The following PCDH11X variants were observed in gnomAD, a reference collection of about 807,000 sequenced individuals.
PCDH11X encodes the protein protocadherin-11 X-linked.
Under a neutral mutation model 53.3 loss-of-function variants are expected in PCDH11X, and 18 were observed. The observed-to-expected ratio is 0.34, with a 90% confidence interval of 0.23 to 0.50. The LOEUF is 0.50. Ranked by LOEUF, PCDH11X falls within the 20% of genes least tolerant of loss-of-function variation. PCDH11X has a pLI of 0.98. For synonymous variants in PCDH11X, 279 were observed against 393.3 expected (o/e 0.71, Z 3.44); for missense variants, 570 against 1,032.4 (o/e 0.55, Z 6.14).
Position 92,619,888 on chromosome X carries a change from A to G in PCDH11X, c.*948A>G, listed in dbSNP as rs931912604. On this transcript the variant is annotated 3_prime_UTR_variant, in exon 11 of 11. Transcript: ENST00000682573. ...CTTAAAATATCGACGGTAAACTACT[A>G]TTTTGTAGAGAAACTCAGGAAGATT... 9.3e-6 allele frequency: 1 copy of G among 107,736 alleles called. No homozygotes were observed. The highest frequency in any genetic ancestry group is 1.9e-5 in the Non-Finnish European group (1 of 52,039). The allele number at this position is 107,736 out of a possible 1,213,427, so 8.9% of individuals were successfully genotyped here.
intron 6 of PCDH11X, among the ~76,000 whole-genome samples, chrX:92,083,498 A>C (rs2063896083): frequency 8.9e-6 from 1 of 111,989 alleles, no homozygotes; most frequent in Non-Finnish European, 1.9e-5. Context: ...TGCATTTTTT[A>C]GACTACAGAA....
intron 5 of PCDH11X, among the ~76,000 whole-genome samples, chrX:91,843,899 A>G (rs969665661): frequency 9.0e-6 from 1 of 111,324 alleles, no homozygotes; most frequent in Non-Finnish European, 1.9e-5. Flanking sequence ...TAGTTGTGGT[A>G]ATTACCTAAG....
At position 92,594,670 on chromosome X, in the gene PCDH11X, C is replaced by T. The variant is rs921589969; in HGVS notation, c.3368-23594C>T. On this transcript the variant is annotated intron_variant, in intron 10 of 10. Coordinates refer to ENST00000682573, the MANE Select transcript of PCDH11X (RefSeq NM_032968.5). ...GGACTCTGACAGGTGCACTTGAATG[C>T]AGGTTTGTGATAACTTTGGAGATTG... Among the ~76,000 whole-genome samples the T allele has an allele frequency of 1.5e-4, 16 of 108,634 alleles. No individual in the cohort carries two copies. In the Admixed American group the frequency reaches 1.6e-3, roughly 11 times the overall value. 94.3% of individuals were successfully genotyped at this position (108,634 alleles called of 115,157 possible). A position where few individuals can be genotyped will look rare whatever the true frequency, so the allele number is the denominator to read the frequency against.
chrX:92,470,582 G>A (rs1207774748), intron 10 of PCDH11X, among the ~76,000 whole-genome samples: 1 of 110,711 alleles, frequency 9.0e-6, no homozygotes, highest in Admixed American at 9.6e-5. Context: ...ACTAGCTGTA[G>A]GTCTGTTGTA....
At chrX:92,243,482 A>G (rs2067297455) in intron 7 of PCDH11X, among the ~76,000 whole-genome samples, 1 of 110,575 alleles carries the variant, frequency 9.0e-6, no homozygotes, top group Non-Finnish European at 1.9e-5. Flanking sequence ...CCTTGTCAGT[A>G]CCTCACTGTC....
chrX:92,596,131 C>A (rs1010467745), intron 10 of PCDH11X, among the ~76,000 whole-genome samples: 2 of 112,234 alleles, frequency 1.8e-5, no homozygotes, highest in Non-Finnish European at 3.8e-5. Flanking sequence ...GTCTTTCTAA[C>A]AACCTATGGT....
chrX:92,174,872 C>T (rs958090863), intron 6 of PCDH11X, among the ~76,000 whole-genome samples: 2 of 112,043 alleles, frequency 1.8e-5, no homozygotes, highest in African/African-American at 6.5e-5. Flanking sequence ...GCTCCTTGTA[C>T]TTCAGTAATG....
intron 10 of PCDH11X, among the ~76,000 whole-genome samples, chrX:92,592,655 G>T (rs1394308641): frequency 9.0e-6 from 1 of 111,455 alleles, no homozygotes; most frequent in Non-Finnish European, 1.9e-5. Flanking sequence ...CGCTTGAACC[G>T]GGGAAGCGGA....
chrX:92,359,095 TG>T (rs2070285508), intron 8 of PCDH11X, among the ~76,000 whole-genome samples: 1 of 108,547 alleles, frequency 9.2e-6, no homozygotes, highest in African/African-American at 3.3e-5. Flanking sequence ...ATTTCATTTA[TG>T]TTTTTTTTTG....
At chrX:91,918,650 A>G (rs1941649974) in intron 6 of PCDH11X, among the ~76,000 whole-genome samples, 1 of 111,311 alleles carries the variant, frequency 9.0e-6, no homozygotes, top group Admixed American at 9.6e-5. Context: ...ACTGCAAAAA[A>G]AAATGTGTTT....
chrX:91,892,704 A>T (rs1440631041), intron 6 of PCDH11X, among the ~76,000 whole-genome samples: 63 of 100,412 alleles, frequency 6.3e-4, no homozygotes, highest in Non-Finnish European at 1.2e-3. Context: ...ACAAGAACAC[A>T]TTTTTTTTTT....
At chrX:92,532,771 A>C (rs1407120658) in intron 10 of PCDH11X, among the ~76,000 whole-genome samples, 2 of 110,485 alleles carry the variant, frequency 1.8e-5, no homozygotes, top group Non-Finnish European at 3.8e-5. Context: ...AAGACAGGGC[A>C]ATTTACATAA....
At chrX:92,607,515 T>G in intron 10 of PCDH11X, among the ~76,000 whole-genome samples, 1 of 111,614 alleles carries the variant, frequency 9.0e-6, no homozygotes, top group East Asian at 2.8e-4. Context: ...CTTTTTGAAG[T>G]GATAAAGATG....
chrX:92,319,470 G>A (rs757710330), intron 8 of PCDH11X, among the ~76,000 whole-genome samples: 2 of 112,080 alleles, frequency 1.8e-5, no homozygotes, highest in East Asian at 5.6e-4. Flanking sequence ...TACTTAATGG[G>A]AATGAGACCA....
intron 9 of PCDH11X, among the ~76,000 whole-genome samples, chrX:92,461,768 A>G (rs2073050823): frequency 9.0e-6 from 1 of 111,373 alleles, no homozygotes; most frequent in Admixed American, 9.5e-5. Flanking sequence ...CAAAGTGATG[A>G]GACAACCCAC....
chrX:91,849,114 T>C (rs187268172), intron 5 of PCDH11X, among the ~76,000 whole-genome samples: 1 of 110,532 alleles, frequency 9.0e-6, no homozygotes, highest in Admixed American at 9.6e-5. Flanking sequence ...CCTAAATAAT[T>C]ATGGTGATAA....
chrX:92,473,927 A>G (rs761473519), intron 10 of PCDH11X, among the ~76,000 whole-genome samples: 5 of 111,643 alleles, frequency 4.5e-5, no homozygotes, highest in Admixed American at 3.8e-4. Flanking sequence ...TCTGCAGCAG[A>G]TGGGTGAAAT....
intron 6 of PCDH11X, among the ~76,000 whole-genome samples, chrX:92,012,210 G>C (rs1451362306): frequency 9.5e-6 from 1 of 105,206 alleles, no homozygotes; most frequent in Non-Finnish European, 1.9e-5. Flanking sequence ...TTTTTTTTTT[G>C]TTTAATGTAG....
intron 1 of PCDH11X, among the ~76,000 whole-genome samples, chrX:91,792,660 GA>G (rs1036587422): frequency 1.8e-5 from 2 of 110,869 alleles, no homozygotes; most frequent in South Asian, 3.7e-4. Flanking sequence ...ATATTCATTA[GA>G]AAAAAAATTA....
Sources: allele counts gnomAD v4.1 joint callset (sites outside exome capture counted in the v4.1 genomes callset), GRCh38; gene constraint gnomAD v4.1.1; transcripts MANE v1.5; gene names NCBI Gene and HGNC (gene_info 2026-07-23, HGNC 2026-07-21).